The following INSC variants were observed in gnomAD, a reference collection of about 807,000 sequenced individuals.
The protein encoded by INSC is protein inscuteable homolog.
A neutral mutation model predicts 58.6 loss-of-function variants in INSC; 67 were observed. The observed-to-expected ratio is 1.14, with a 90% CI of 0.94 to 1.40. INSC has a LOEUF of 1.40. Ranked by LOEUF, INSC falls within the 40% of genes most tolerant of loss-of-function variation. The pLI is 0.00. For missense variants in INSC, 714 were observed against 692.0 expected (o/e 1.03, Z -0.36); for synonymous variants, 262 against 276.1 (o/e 0.95, Z 0.51).
chr11:15,161,026 CAA>C (rs1223647228), intron 2 of INSC, among the ~76,000 whole-genome samples: 1 of 152,202 alleles, frequency 6.6e-6, no homozygotes, highest in African/African-American at 2.4e-5. Flanking sequence ...AGAAGGTACT[CAA>C]GAGATAGTTT....
chr11:15,231,340 A>G (rs1180071612), intron 9 of INSC, among the ~76,000 whole-genome samples: 1 of 152,206 alleles, frequency 6.6e-6, no homozygotes, highest in East Asian at 1.9e-4. Flanking sequence ...ACACTGGAAG[A>G]AGAATTGTCT....
chr11:15,268,063 G>T, the INSC span, among the ~76,000 whole-genome samples: 1 of 151,860 alleles, frequency 6.6e-6, no homozygotes, highest in Non-Finnish European at 1.5e-5. Context: ...CCACCTCCTT[G>T]CACTGTAGCC....
chr11:15,127,722 C>T (rs928272758), intron 1 of INSC, among the ~76,000 whole-genome samples: 5 of 152,112 alleles, frequency 3.3e-5, no homozygotes, highest in African/African-American at 9.7e-5. Context: ...TTATGCCCTT[C>T]GGGGTAGCAG....
chr11:15,242,774 C>T (rs534763783), intron 12 of INSC, among the ~76,000 whole-genome samples: 2 of 152,320 alleles, frequency 1.3e-5, no homozygotes, highest in African/African-American at 4.8e-5. Flanking sequence ...CCAGAGAGTA[C>T]ACAGCATGAA....
intron 9 of INSC, among the ~76,000 whole-genome samples, chr11:15,230,677 G>C (rs1234048019): frequency 6.6e-6 from 1 of 152,176 alleles, no homozygotes; most frequent in African/African-American, 2.4e-5. Flanking sequence ...CAAAGCCAAG[G>C]GCAAACCAAG....
chr11:15,160,691 T>C (rs1276946052), intron 2 of INSC, among the ~76,000 whole-genome samples: 2 of 152,212 alleles, frequency 1.3e-5, no homozygotes, highest in Non-Finnish European at 2.9e-5. Context: ...GTTAACAAGA[T>C]GGGGCTCTGA....
intron 1 of INSC, among the ~76,000 whole-genome samples, chr11:15,134,571 T>C (rs1430127922): frequency 1.3e-5 from 2 of 152,194 alleles, no homozygotes; most frequent in Non-Finnish European, 1.5e-5. Context: ...CAGAGGGCTG[T>C]CATTAGACAA....
chr11:15,220,080 T>G (rs1036734088), intron 7 of INSC, among the ~76,000 whole-genome samples: 8 of 152,214 alleles, frequency 5.3e-5, no homozygotes, highest in African/African-American at 1.9e-4. Context: ...GCCAAAGGCT[T>G]TCACAGCTAA....
intron 9 of INSC, among the ~76,000 whole-genome samples, chr11:15,232,488 G>A (rs1851962109): frequency 6.6e-6 from 1 of 152,150 alleles, no homozygotes; most frequent in Non-Finnish European, 1.5e-5. Context: ...CAAACTCCTG[G>A]CTTCAAGTGA....
intron 11 of INSC, 53 bp from the exon 12 acceptor site, chr11:15,240,394 A>C: frequency 6.6e-7 from 1 of 1,508,728 alleles, no homozygotes; most frequent in African/African-American, 1.4e-5. Context: ...CCTCTGGGTC[A>C]GGCCTGGCTG....
chr11:15,202,911 G>A (rs1359204843), intron 7 of INSC, among the ~76,000 whole-genome samples: 2 of 152,204 alleles, frequency 1.3e-5, no homozygotes, highest in Admixed American at 6.5e-5. Context: ...CAGTATAGAC[G>A]GCCCAGGCCC....
intron 2 of INSC, among the ~76,000 whole-genome samples, chr11:15,165,285 G>A (rs768499596): frequency 6.6e-6 from 1 of 152,104 alleles, no homozygotes; most frequent in Admixed American, 6.5e-5. Context: ...AGTAAAAAAG[G>A]TTTGATGATA....
intron 1 of INSC, among the ~76,000 whole-genome samples, chr11:15,134,614 G>A (rs572839324): frequency 1.3e-5 from 2 of 152,276 alleles, no homozygotes; most frequent in East Asian, 3.9e-4. Flanking sequence ...CCAGCACTGA[G>A]GAAGAAGTGA....
rs1349947868 is a variant in INSC at position 15,121,418 on chromosome 11, T to C, written c.-46+6415T>C. Reference sequence around the variant, plus strand: ...GTTCTACATGATTAGATTCAAGCAATGCATTAGGGGCAGGAATACAACTGC... The same window carrying C: ...GTTCTACATGATTAGATTCAAGCAACGCATTAGGGGCAGGAATACAACTGC... On this transcript the variant is annotated intron_variant, in intron 1 of 12. Coordinates refer to ENST00000379556, the MANE Select transcript of INSC (RefSeq NM_001042536.3). Among the ~76,000 whole-genome samples the C allele has an allele frequency of 6.8e-4, 104 of 152,220 alleles. 2 individuals are homozygous for C. The highest frequency in any genetic ancestry group is 6.8e-3 in the Admixed American group (104 of 15,278).
chr11:15,211,584 C>T (rs572174001), intron 7 of INSC, among the ~76,000 whole-genome samples: 4 of 152,072 alleles, frequency 2.6e-5, no homozygotes, highest in Non-Finnish European at 2.9e-5. Flanking sequence ...GTGCTGCTTG[C>T]GTCCATTTAA....
chr11:15,181,361 T>G (rs959181949), intron 5 of INSC, among the ~76,000 whole-genome samples: 1 of 152,222 alleles, frequency 6.6e-6, no homozygotes. Flanking sequence ...TCGAGAAACA[T>G]TCTTTTAGCA....
intron 1 of INSC, among the ~76,000 whole-genome samples, chr11:15,118,802 C>A (rs1329039966): frequency 1.3e-5 from 2 of 152,226 alleles, no homozygotes; most frequent in Non-Finnish European, 2.9e-5. Flanking sequence ...GTTAGGACTT[C>A]TGTGCAGGAA....
the INSC span, among the ~76,000 whole-genome samples, chr11:15,254,546 C>T: frequency 6.6e-6 from 1 of 152,150 alleles, no homozygotes; most frequent in African/African-American, 2.4e-5. Flanking sequence ...AGACACATAC[C>T]TCCCTGTGCC....
At chr11:15,268,176 G>A in the INSC span, among the ~76,000 whole-genome samples, 1 of 152,004 alleles carries the variant, frequency 6.6e-6, no homozygotes, top group African/African-American at 2.4e-5. Context: ...GATGTCCAGT[G>A]TCTGAAAACA....
Sources: allele counts gnomAD v4.1 joint callset (sites outside exome capture counted in the v4.1 genomes callset), GRCh38; gene constraint gnomAD v4.1.1; transcripts MANE v1.5; gene names NCBI Gene and HGNC (gene_info 2026-07-23, HGNC 2026-07-21).